Variants in COL22A1 observed in about 807,000 individuals in gnomAD.
COL22A1 encodes collagen type XXII alpha 1 chain, also known as collagen alpha-1(XXII) chain.
A neutral mutation model predicts 248.9 loss-of-function variants in COL22A1; 221 were observed. The ratio of observed to expected loss-of-function variants is 0.89; its 90% CI spans 0.80 to 0.99. The LOEUF (loss-of-function observed/expected upper bound fraction) is 0.99. Among genes scored for constraint, COL22A1 ranks in the 50% least tolerant of loss-of-function variants. COL22A1 has a pLI of 0.00. For missense variants in COL22A1, 2,240 were observed against 2,179.0 expected, an observed-to-expected ratio of 1.03 and a Z score of -0.56; for synonymous variants, 891 against 793.4, an observed-to-expected ratio of 1.12 and a Z score of -2.07.
chr8:138,696,023 A>G (rs1827478601), intron 32 of COL22A1, among the ~76,000 whole-genome samples: 1 of 152,162 alleles, frequency 6.6e-6, no homozygotes, highest in East Asian at 1.9e-4. Context: ...TACGGACCCC[A>G]TATGACTTTT....
intron 38 of COL22A1, 106 bp from the exon 39 acceptor site, chr8:138,684,575 G>C (rs1413301557): frequency 2.5e-6 from 2 of 813,806 alleles, no homozygotes; most frequent in Non-Finnish European, 4.4e-6. Flanking sequence ...CCCAGAGATG[G>C]GTGAGACTCA....
At position 138,877,823 on chromosome 8, in the gene COL22A1, G is replaced by T; in HGVS notation, c.585C>A (p.Ala195=). 6.2e-7 allele frequency: 1 copy of T among 1,612,496 alleles called. No homozygotes were observed. Among genetic ancestry groups the T allele is most frequent in the African/African-American group, 1.3e-5 (1 of 75,010 alleles). ...TGAAGTCGGACACGTGGAAGACGTG[G>T]GCGGACTTGGGCTCTGAGGCGATCT... is the stretch of plus-strand genomic sequence containing the variant. ...LEEIASEPKS[A]HVFHVSDFNA... Residue 195 remains alanine, a synonymous_variant, in exon 3 of 65, where the codon GCC becomes GCA. Transcript: ENST00000303045.
intron 3 of COL22A1, among the ~76,000 whole-genome samples, chr8:138,856,086 G>A (rs771680127): frequency 2.3e-4 from 35 of 152,338 alleles, no homozygotes; most frequent in Non-Finnish European, 3.5e-4. Context: ...GAGCTTCGGA[G>A]GGGGGCCTGC....
intron 12 of COL22A1, among the ~76,000 whole-genome samples, chr8:138,793,863 G>A (rs907938204): frequency 6.6e-6 from 1 of 152,210 alleles, no homozygotes; most frequent in Non-Finnish European, 1.5e-5. Context: ...CTGGTGACAG[G>A]AACACACGCG....
intron 3 of COL22A1, among the ~76,000 whole-genome samples, chr8:138,876,178 C>G (rs948463976): frequency 2.0e-5 from 3 of 152,186 alleles, no homozygotes; most frequent in Admixed American, 6.5e-5. Context: ...CTTTCCCCAG[C>G]TGCACGGGCC....
At chr8:138,814,312 T>C (rs1818495613) in intron 7 of COL22A1, among the ~76,000 whole-genome samples, 1 of 152,250 alleles carries the variant, frequency 6.6e-6, no homozygotes. Flanking sequence ...GGGGCTGTTT[T>C]TCAAATACAT....
intron 52 of COL22A1, 146 bp downstream of exon 52, chr8:138,623,586 T>C (rs1217396208): frequency 3.3e-6 from 2 of 611,222 alleles, no homozygotes; most frequent in Admixed American, 2.9e-5. Flanking sequence ...CAGCAGTGTT[T>C]ACTGTGCAGG....
At position 138,697,653 on chromosome 8, in the gene COL22A1, C is replaced by T. The variant is rs79206227; in HGVS notation, c.2592+2459G>A. 5.6e-3 allele frequency among the ~76,000 whole-genome samples: 850 copies of T among 152,274 alleles called. 6 individuals are homozygous for T. The highest frequency in any genetic ancestry group is 0.017 in the African/African-American group (692 of 41,546). ...GTGACAAAATGAGTCGGGCTTCTCCCTCCACCCCCTCATCTCCTTTCCATT... is the reference window on the plus strand; with the variant it reads ...GTGACAAAATGAGTCGGGCTTCTCCTTCCACCCCCTCATCTCCTTTCCATT... On this transcript the variant is annotated intron_variant, in intron 32 of 64. Coordinates refer to ENST00000303045, the MANE Select transcript of COL22A1 (RefSeq NM_152888.3).
intron 63 of COL22A1, among the ~76,000 whole-genome samples, chr8:138,592,034 A>G (rs1398545143): frequency 6.6e-6 from 1 of 152,214 alleles, no homozygotes; most frequent in Non-Finnish European, 1.5e-5. Flanking sequence ...AACCAATTCA[A>G]CACGCATGTG....
In COL22A1 at chr8:138,877,703, G is replaced by A. The variant is rs778670552; in HGVS notation, c.658+47C>T. 11 of 1,507,366 alleles carry A rather than the reference G, an allele frequency of 7.3e-6. 1 individual carries two copies. In the Admixed American group the frequency reaches 1.1e-4, roughly 14 times the overall value. 93.4% of individuals were successfully genotyped at this position (1,507,366 alleles called of 1,614,324 possible). The stretch of plus-strand genomic sequence containing the variant: ...AGGACCCCTCCCGTGGGCTCAGCAG[G>A]GGGCGTCACTCTTGGGAGGGGCCGC... On this transcript the variant is annotated intron_variant, in intron 3 of 64. Coordinates refer to ENST00000303045, the MANE Select transcript of COL22A1 (RefSeq NM_152888.3).
intron 23 of COL22A1, among the ~76,000 whole-genome samples, chr8:138,737,228 G>T (rs942704432): frequency 2.5e-4 from 38 of 152,262 alleles, no homozygotes; most frequent in South Asian, 4.1e-4. Context: ...TCGTCCTGGG[G>T]TCCCCCTTCG....
chr8:138,865,896 C>T, intron 3 of COL22A1, among the ~76,000 whole-genome samples: 1 of 132,284 alleles, frequency 7.6e-6, no homozygotes. Context: ...TATGTGTGTG[C>T]CTATTTGTAT....
At chr8:138,860,780 C>T (rs112411998) in intron 3 of COL22A1, among the ~76,000 whole-genome samples, 2,162 of 152,276 alleles carry the variant, frequency 0.014, 56 homozygotes, top group African/African-American at 0.05. Context: ...TACACTCCAG[C>T]CTGGGCAACA....
At chr8:138,813,254 C>T (rs1563798922) in intron 7 of COL22A1, among the ~76,000 whole-genome samples, 1 of 152,078 alleles carries the variant, frequency 6.6e-6, no homozygotes, top group Non-Finnish European at 1.5e-5. Context: ...CAAATCTCAT[C>T]TTGAATTGTA....
intron 49 of COL22A1, among the ~76,000 whole-genome samples, chr8:138,634,404 A>T (rs1222283598): frequency 6.6e-6 from 1 of 151,950 alleles, no homozygotes; most frequent in African/African-American, 2.4e-5. Context: ...AGGAACACTA[A>T]TTTCCAGTGC....
At chr8:138,591,725 T>C (rs1817070663) in intron 63 of COL22A1, among the ~76,000 whole-genome samples, 1 of 152,156 alleles carries the variant, frequency 6.6e-6, no homozygotes, top group Admixed American at 6.5e-5. Context: ...AGTATGCACA[T>C]GGAATCACCA....
chr8:138,716,890 AC>A, intron 27 of COL22A1, 21 bp from the exon 28 acceptor site: 1 of 1,591,614 alleles, frequency 6.3e-7, no homozygotes, highest in Non-Finnish European at 8.6e-7. Context: ...AATAAAACAT[AC>A]CCCATTATTC....
intron 21 of COL22A1, among the ~76,000 whole-genome samples, chr8:138,751,715 A>C (rs1011054986): frequency 7.9e-5 from 12 of 152,246 alleles, no homozygotes; most frequent in Non-Finnish European, 1.6e-4. Flanking sequence ...AAGTATGTTG[A>C]GCAGTCAGGA....
At chr8:138,630,576 C>T (rs922015664) in intron 50 of COL22A1, 119 bp downstream of exon 50, 2 of 844,006 alleles carry the variant, frequency 2.4e-6, no homozygotes. Flanking sequence ...GTGAACAGAA[C>T]CTCAAAAATA....
Sources: allele counts gnomAD v4.1 joint callset (sites outside exome capture counted in the v4.1 genomes callset), GRCh38; gene constraint gnomAD v4.1.1; transcripts MANE v1.5; gene names NCBI Gene and HGNC (gene_info 2026-07-23, HGNC 2026-07-21).